The following UAP1 variants were observed in gnomAD, a reference collection of about 807,000 sequenced individuals.
UAP1 encodes UDP-N-acetylhexosamine pyrophosphorylase.
A neutral mutation model predicts 58.5 loss-of-function variants in UAP1; 25 were observed. The observed-to-expected ratio is 0.43, with a 90% confidence interval of 0.31 to 0.60. The LOEUF (loss-of-function observed/expected upper bound fraction) is 0.60, where lower values mean the gene tolerates loss of function less well. Ranked by LOEUF, UAP1 falls within the 20% of genes least tolerant of loss-of-function variation. The pLI, the probability that UAP1 is intolerant of heterozygous loss-of-function variation, is 0.11. For synonymous variants in UAP1, 208 were observed against 213.0 expected, an observed-to-expected ratio of 0.98 and a Z score of 0.21; for missense variants, 575 against 630.0, an observed-to-expected ratio of 0.91 and a Z score of 0.93.
intron 7 of UAP1, among the ~76,000 whole-genome samples, chr1:162,590,047 A>G (rs1260567027): frequency 6.9e-6 from 1 of 144,678 alleles, no homozygotes. Context: ...TTTTTTTTCC[A>G]GAACAGATAC....
intron 9 of UAP1, 27 bp from the exon 10 acceptor site, chr1:162,597,765 T>G (rs1380279128): frequency 1.2e-6 from 2 of 1,604,730 alleles, no homozygotes. Context: ...AGCAAAGTCT[T>G]TAACACATAC....
intron 2 of UAP1, among the ~76,000 whole-genome samples, 181 bp from the exon 3 acceptor site, chr1:162,576,596 G>A (rs556075203): frequency 3.5e-4 from 54 of 152,232 alleles, no homozygotes; most frequent in Non-Finnish European, 6.9e-4. Context: ...CAGCAAGCAG[G>A]CTTTGGTCCA....
In UAP1 at chr1:162,590,304, T is replaced by G; in HGVS notation, c.1170-19T>G. The G allele has an allele frequency of 6.3e-7, 1 of 1,598,372 alleles. No individual in the cohort carries two copies. The highest frequency in any genetic ancestry group is 8.5e-7 in the Non-Finnish European group (1 of 1,172,884). ...ATGCAGTTTCATAATAAAGAGGTCT[T>G]TATATGGTTTCGCTCTAGGAAGTTT... On this transcript the variant is annotated intron_variant, in intron 7 of 10. Coordinates refer to ENST00000271469, the Ensembl canonical transcript of UAP1.
At chr1:162,577,554 T>C (rs1654279836) in intron 3 of UAP1, among the ~76,000 whole-genome samples, 1 of 143,348 alleles carries the variant, frequency 7.0e-6, no homozygotes, top group African/African-American at 2.5e-5. Flanking sequence ...TCTCAAGCCA[T>C]CCTCCTACCT....
At chr1:162,577,928 T>TA (rs967680411) in intron 3 of UAP1, among the ~76,000 whole-genome samples, 1 of 151,984 alleles carries the variant, frequency 6.6e-6, no homozygotes, top group African/African-American at 2.4e-5. Flanking sequence ...TTGTTTTTTT[T>TA]ATAGAGACAG....
At position 162,582,531 on chromosome 1, in the gene UAP1, C is replaced by T. The variant is rs563091577; in HGVS notation, c.834+1072C>T. Among the ~76,000 whole-genome samples, 14 of 152,230 alleles carry T rather than the reference C, an allele frequency of 9.2e-5. No individual in the cohort carries two copies. In the East Asian group the frequency reaches 2.7e-3, roughly 29 times the overall value. On this transcript the variant is annotated intron_variant, in intron 5 of 10. Transcript: ENST00000271469. ...TCAGTGGAGGAAATGAATGAAATAACTGGCTAACAATAAAGTAAGATCTCT... is the reference window on the plus strand; with the variant it reads ...TCAGTGGAGGAAATGAATGAAATAATTGGCTAACAATAAAGTAAGATCTCT...
At chr1:162,594,871 G>A (rs1329844364) in intron 9 of UAP1, among the ~76,000 whole-genome samples, 1 of 152,082 alleles carries the variant, frequency 6.6e-6, no homozygotes, top group African/African-American at 2.4e-5. Flanking sequence ...ATGATACCAT[G>A]CACTGAAAAA....
chr1:162,573,721 T>C (rs1304064426), intron 2 of UAP1, among the ~76,000 whole-genome samples: 1 of 152,004 alleles, frequency 6.6e-6, no homozygotes, highest in East Asian at 1.9e-4. Flanking sequence ...TCCCAGCACT[T>C]TGGGAGGCTG....
intron 3 of UAP1, among the ~76,000 whole-genome samples, chr1:162,577,571 C>T (rs1654281855): frequency 6.6e-6 from 1 of 150,846 alleles, no homozygotes; most frequent in African/African-American, 2.4e-5. Flanking sequence ...ACCTCAGCCT[C>T]CCCAGTAGCT....
At chr1:162,574,093 CT>C (rs1204675147) in intron 2 of UAP1, among the ~76,000 whole-genome samples, 386 of 134,882 alleles carry the variant, frequency 2.9e-3, no homozygotes, top group Non-Finnish European at 3.7e-3. Flanking sequence ...CTTTTCTTTT[CT>C]TTTTTTTTTT....
intron 5 of UAP1, among the ~76,000 whole-genome samples, chr1:162,582,018 T>C (rs1047080427): frequency 1.3e-5 from 2 of 152,220 alleles, no homozygotes; most frequent in Non-Finnish European, 2.9e-5. Context: ...CTTGGCATTG[T>C]ACTTTTCAAC....
chr1:162,592,877 G>T (rs1302329982), intron 9 of UAP1, 95 bp downstream of exon 9: 2 of 1,165,976 alleles, frequency 1.7e-6, no homozygotes, highest in Admixed American at 2.1e-5. Flanking sequence ...CCTTTTGGGG[G>T]TCTGGAGGGA....
chr1:162,578,559 T>C (rs146113323), intron 3 of UAP1, among the ~76,000 whole-genome samples: 1,652 of 152,322 alleles, frequency 0.011, 33 homozygotes, highest in African/African-American at 0.038. Flanking sequence ...AGCCCTGGCC[T>C]CCTACTATCA....
Position 162,589,214 on chromosome 1 carries a change from TATA to T in UAP1, c.1169+385_1169+387del, listed in dbSNP as rs1282191549. Among the ~76,000 whole-genome samples, 416 of 119,878 alleles carry T rather than the reference TATA, an allele frequency of 3.5e-3. 5 individuals carry two copies. Among genetic ancestry groups the T allele is most frequent in the South Asian group, 0.019 (83 of 4,438 alleles). The allele number at this position is 119,878 out of a possible 152,430, so 78.6% of individuals were successfully genotyped here. Reference sequence around the variant, plus strand: ...ATATTATATATTATATTTAAATATATATAATATTTATATATTATATATAAATTT... The same window carrying T: ...ATATTATATATTATATTTAAATATATATATTTATATATTATATATAAATTT... On this transcript the variant is annotated intron_variant, in intron 7 of 10. Coordinates refer to ENST00000271469, the Ensembl canonical transcript of UAP1.
rs114766233 is a variant in UAP1 at position 162,576,427 on chromosome 1, T to G, written c.281-350T>G. 2.7e-3 allele frequency among the ~76,000 whole-genome samples: 408 copies of G among 152,350 alleles called. 1 individual carries two copies. The highest frequency in any genetic ancestry group is 9.6e-3 in the African/African-American group (401 of 41,584). ...TCACTAAAATGCATCGTTCATTGTTTGGTGTTCGGTTGGGTTATATAAATT... is the reference window on the plus strand; with the variant it reads ...TCACTAAAATGCATCGTTCATTGTTGGGTGTTCGGTTGGGTTATATAAATT... On this transcript the variant is annotated intron_variant, in intron 2 of 10. Coordinates refer to ENST00000271469, the Ensembl canonical transcript of UAP1.
intron 2 of UAP1, among the ~76,000 whole-genome samples, chr1:162,572,165 G>A (rs1653902907): frequency 6.6e-6 from 1 of 152,222 alleles, no homozygotes; most frequent in Non-Finnish European, 1.5e-5. Context: ...TGACTTGACT[G>A]GTTATCAGGT....
chr1:162,582,570 T>C (rs915796419), intron 5 of UAP1, among the ~76,000 whole-genome samples: 3 of 152,200 alleles, frequency 2.0e-5, no homozygotes, highest in Non-Finnish European at 4.4e-5. Flanking sequence ...TCAAAGCTCA[T>C]ACAAATATCA....
At chr1:162,575,491 G>A (rs1654120319) in intron 2 of UAP1, among the ~76,000 whole-genome samples, 1 of 151,894 alleles carries the variant, frequency 6.6e-6, no homozygotes, top group Non-Finnish European at 1.5e-5. Context: ...GAGTGCAGTG[G>A]TGCAGTCTTA....
At chr1:162,567,041 C>T (rs1239157245) in intron 2 of UAP1, among the ~76,000 whole-genome samples, 2 of 152,168 alleles carry the variant, frequency 1.3e-5, no homozygotes, top group African/African-American at 2.4e-5. Flanking sequence ...CATGCCTTCC[C>T]TGCTTTTGCT....
Sources: allele counts gnomAD v4.1 joint callset (sites outside exome capture counted in the v4.1 genomes callset), GRCh38; gene constraint gnomAD v4.1.1; transcripts MANE v1.5; gene names NCBI Gene and HGNC (gene_info 2026-07-23, HGNC 2026-07-21).